PCLO: variants seen among roughly 807,000 people sequenced by gnomAD.
The protein encoded by PCLO is piccolo presynaptic cytomatrix protein, also known as protein piccolo.
In PCLO, 82 loss-of-function variants were observed where a neutral mutation model predicts 427.5. That is an observed-to-expected ratio of 0.19 (90% CI 0.16 to 0.23). The LOEUF is 0.23. Among genes scored for constraint, PCLO ranks in the 10% least tolerant of loss-of-function variants. The pLI is 1.00. For synonymous variants in PCLO, 2,357 were observed against 2,155.4 expected (o/e 1.09, Z -2.59); for missense variants, 6,239 against 6,115.9 (o/e 1.02, Z -0.67).
intron 4 of PCLO, among the ~76,000 whole-genome samples, chr7:82,961,419 C>T (rs1260728497): frequency 6.6e-6 from 1 of 152,124 alleles, no homozygotes; most frequent in Non-Finnish European, 1.5e-5. Context: ...AATTTCTCCC[C>T]ATGGGGAATG....
intron 6 of PCLO, among the ~76,000 whole-genome samples, chr7:82,943,132 T>A (rs1010785672): frequency 1.3e-5 from 2 of 152,142 alleles, no homozygotes; most frequent in Non-Finnish European, 2.9e-5. Flanking sequence ...CCAAAAATTT[T>A]AAAAATAGCT....
intron 2 of PCLO, among the ~76,000 whole-genome samples, chr7:83,136,859 A>G (rs1315096452): frequency 1.3e-5 from 2 of 152,172 alleles, no homozygotes; most frequent in Non-Finnish European, 2.9e-5. Context: ...TGTGTTTGAT[A>G]CCATATTTTA....
In PCLO at chr7:82,980,928, G is replaced by A. The variant is rs531554600; in HGVS notation, c.3301-14441C>T. On this transcript the variant is annotated intron_variant, in intron 3 of 24. Coordinates refer to ENST00000333891, the MANE Select transcript of PCLO (RefSeq NM_033026.6). Reference sequence around the variant, plus strand: ...CAATCCCAGGAGTTTCTATAATTATGTTCAATACACAGATGAAAAAATTCA... The same window carrying A: ...CAATCCCAGGAGTTTCTATAATTATATTCAATACACAGATGAAAAAATTCA... 3.1e-3 allele frequency among the ~76,000 whole-genome samples: 468 copies of A among 152,176 alleles called. 2 individuals are homozygous for A. The highest frequency in any genetic ancestry group is 5.0e-3 in the Non-Finnish European group (337 of 68,008).
chr7:82,848,676 G>T (rs2115829546), intron 10 of PCLO, among the ~76,000 whole-genome samples: 1 of 152,158 alleles, frequency 6.6e-6, no homozygotes, highest in East Asian at 1.9e-4. Context: ...ATCATCATTG[G>T]CTCCAATGGG....
At chr7:82,936,943 G>T (rs11971708) in intron 6 of PCLO, among the ~76,000 whole-genome samples, 6,107 of 151,708 alleles carry the variant, frequency 0.04, 440 homozygotes, top group African/African-American at 0.14. Flanking sequence ...TCTAGAATAG[G>T]TAAATCCATA....
At chr7:83,146,786 G>A (rs1353782896) in intron 2 of PCLO, among the ~76,000 whole-genome samples, 1 of 151,948 alleles carries the variant, frequency 6.6e-6, no homozygotes, top group Non-Finnish European at 1.5e-5. Context: ...ATTTTTAGCA[G>A]AGACAGGGTT....
intron 6 of PCLO, among the ~76,000 whole-genome samples, chr7:82,929,344 A>G (rs1364680108): frequency 6.6e-6 from 1 of 152,308 alleles, no homozygotes; most frequent in East Asian, 1.9e-4. Context: ...ATACTGAAAT[A>G]TAGAGGCAGT....
At chr7:83,025,097 G>A (rs1226218479) in intron 3 of PCLO, among the ~76,000 whole-genome samples, 3 of 152,186 alleles carry the variant, frequency 2.0e-5, no homozygotes, top group Admixed American at 1.3e-4. Flanking sequence ...GAACAAAGCT[G>A]GACGGAGAAC....
intron 24 of PCLO, 66 bp from the exon 25 acceptor site, chr7:82,758,781 C>A: frequency 1.0e-6 from 1 of 981,074 alleles, no homozygotes; most frequent in Non-Finnish European, 1.5e-6. Flanking sequence ...TAGTTTTCAA[C>A]CTTTTTTAAG....
chr7:83,019,949 T>C (rs899905419), intron 3 of PCLO, among the ~76,000 whole-genome samples: 12 of 152,238 alleles, frequency 7.9e-5, no homozygotes, highest in Middle Eastern at 3.4e-3. Context: ...AGTCACTCTC[T>C]TAGTTAAATT....
intron 3 of PCLO, among the ~76,000 whole-genome samples, chr7:83,003,199 T>C (rs116385652): frequency 0.011 from 1,610 of 151,472 alleles, 33 homozygotes; most frequent in African/African-American, 0.037. Flanking sequence ...TTTTAAAATA[T>C]ACGATAAGAA....
intron 3 of PCLO, among the ~76,000 whole-genome samples, chr7:83,133,329 A>G (rs1791621564): frequency 6.6e-6 from 1 of 151,988 alleles, no homozygotes; most frequent in Admixed American, 6.5e-5. Context: ...GAAACCTTGG[A>G]ACAATTATTC....
rs1476189521 is a variant in PCLO at position 82,902,645 on chromosome 7, CT to C, written c.13528+5del. On this transcript the variant is annotated splice_donor_5th_base_variant and intron_variant, in intron 9 of 24. Transcript: ENST00000333891. ...AAAAAATATTAGATTATATGATTTG[CT>C]TTACCTGAAACTGTGTGATCCTTTG... 1.3e-6 allele frequency: 2 copies of C among 1,516,932 alleles called. No individual in the cohort carries two copies. The highest frequency in any genetic ancestry group is 2.3e-5 in the South Asian group (2 of 88,376). 94.0% of individuals were successfully genotyped at this position (1,516,932 alleles called of 1,614,324 possible). A position where few individuals can be genotyped will look rare whatever the true frequency, so the allele number is the denominator to read the frequency against.
chr7:83,147,377 CA>C (rs1404954578), intron 2 of PCLO, among the ~76,000 whole-genome samples: 1 of 152,022 alleles, frequency 6.6e-6, no homozygotes, highest in Non-Finnish European at 1.5e-5. Context: ...ACAGTATGAA[CA>C]ATACCACAGA....
chr7:82,794,459 CTTTTTTTTTTTTT>C lies in PCLO; in HGVS notation c.15007+7046_15007+7058del, dbSNP rs778108792. ...ACATGCTAGTTCATAAATTTTTTTT[CTTTTTTTTTTTTT>C]TTTTTTTTTTTTTTTTTGAGACACA... On this transcript the variant is annotated intron_variant, in intron 22 of 24. Transcript: ENST00000333891. 1.4e-4 allele frequency among the ~76,000 whole-genome samples: 8 copies of C among 56,370 alleles called. No individual in the cohort carries two copies. The South Asian group carries it at 4.2e-3, about 30-fold the overall frequency. The allele number at this position is 56,370 out of a possible 152,430, so 37.0% of individuals were successfully genotyped here. A position where few individuals can be genotyped will look rare whatever the true frequency, so the allele number is the denominator to read the frequency against.
chr7:83,031,482 T>C (rs1788663590), intron 3 of PCLO, among the ~76,000 whole-genome samples: 1 of 152,160 alleles, frequency 6.6e-6, no homozygotes, highest in South Asian at 2.1e-4. Context: ...AGCTTCTATA[T>C]CCTGGATGTA....
chr7:82,868,345 A>G (rs766028893), intron 10 of PCLO: 3 of 369,502 alleles, frequency 8.1e-6, no homozygotes, highest in African/African-American at 2.1e-5. Context: ...ATGACAAGGA[A>G]TTCCAGAGGC....
chr7:82,892,315 A>C (rs7783938), intron 9 of PCLO, among the ~76,000 whole-genome samples: 1 of 152,180 alleles, frequency 6.6e-6, no homozygotes, highest in African/African-American at 2.4e-5. Flanking sequence ...TGACAAAAAC[A>C]AGAAATGGGG....
intron 22 of PCLO, among the ~76,000 whole-genome samples, chr7:82,791,849 A>T (rs533379270): frequency 1.6e-4 from 25 of 152,120 alleles, no homozygotes; most frequent in African/African-American, 5.1e-4. Flanking sequence ...ATTTTAAAAA[A>T]TTTTCATTAA....
Sources: gnomAD v4.1 joint callset for allele counts (sites outside exome capture counted in the v4.1 genomes callset) on GRCh38, gnomAD v4.1.1 for gene constraint, MANE v1.5 for transcripts, NCBI Gene and HGNC (gene_info 2026-07-23, HGNC 2026-07-21) for gene names.